The following ZNF728 variants were observed in gnomAD, a reference collection of about 807,000 sequenced individuals.
The protein encoded by ZNF728 is zinc finger protein 728.
A neutral mutation model predicts 12.5 loss-of-function variants in ZNF728; 12 were observed. That is an observed-to-expected ratio of 0.96 (90% CI 0.61 to 1.55). The LOEUF is 1.55. ZNF728 is among the 40% of genes most tolerant of loss of function. The probability of loss-of-function intolerance (pLI) is 0.00; values close to 1 mark genes in which losing one functional copy is unlikely to be tolerated. For missense variants in ZNF728, 692 were observed against 719.2 expected (o/e 0.96, Z 0.43); for synonymous variants, 205 against 240.7 (o/e 0.85, Z 1.37).
At chr19:23,002,867 T>C (rs1006817817) in intron 1 of ZNF728, among the ~76,000 whole-genome samples, 161 bp downstream of exon 1, 1 of 152,144 alleles carries the variant, frequency 6.6e-6, no homozygotes, top group Non-Finnish European at 1.5e-5. Context: ...GCAGCCGCCA[T>C]CTTATGCCTG....
chr19:23,002,025 A>G (rs992060329), intron 1 of ZNF728, among the ~76,000 whole-genome samples: 6 of 152,172 alleles, frequency 3.9e-5, no homozygotes, highest in Admixed American at 3.9e-4. Context: ...CTTTTAAAAA[A>G]TCTAATTCGG....
At chr19:22,979,329 G>A (rs1968837935) in intron 3 of ZNF728, among the ~76,000 whole-genome samples, 1 of 152,092 alleles carries the variant, frequency 6.6e-6, no homozygotes, top group African/African-American at 2.4e-5. Flanking sequence ...AGAATAAAAA[G>A]AAATGAACAA....
Position 23,003,162 on chromosome 19 carries a change from G to A in ZNF728, c.-132C>T. 2 of 1,092,670 alleles carry A rather than the reference G, an allele frequency of 1.8e-6. No homozygotes were observed. Among genetic ancestry groups the A allele is most frequent in the African/African-American group, 1.6e-5 (1 of 61,118 alleles). The allele number at this position is 1,092,670 out of a possible 1,614,324, so 67.7% of individuals were successfully genotyped here. On this transcript the variant is annotated 5_prime_UTR_variant, in exon 1 of 4. Transcript: ENST00000594710. ...AAGGACGACACCTTGACCTCCGCGT[G>A]CAGCGAGAGCCAACGGTCCTACCAC...
intron 3 of ZNF728, among the ~76,000 whole-genome samples, chr19:22,982,847 T>C (rs1385216102): frequency 6.6e-6 from 1 of 152,074 alleles, no homozygotes; most frequent in Non-Finnish European, 1.5e-5. Context: ...TTATACCTTA[T>C]ATAAAAATTA....
intron 1 of ZNF728, among the ~76,000 whole-genome samples, chr19:22,996,296 T>G (rs1969049801): frequency 6.6e-6 from 1 of 152,186 alleles, no homozygotes; most frequent in Non-Finnish European, 1.5e-5. Flanking sequence ...GAAAATACTG[T>G]TTAATTTATA....
At chr19:23,001,388 T>C (rs1969112447) in intron 1 of ZNF728, among the ~76,000 whole-genome samples, 1 of 152,166 alleles carries the variant, frequency 6.6e-6, no homozygotes, top group South Asian at 2.1e-4. Context: ...ATTCACCTGC[T>C]CTCTTGAGAA....
intron 1 of ZNF728, among the ~76,000 whole-genome samples, chr19:23,000,890 A>AAACC (rs1568279354): frequency 8.8e-4 from 72 of 81,394 alleles, no homozygotes; most frequent in African/African-American, 5.8e-3. Flanking sequence ...AAAAAACCAA[A>AAACC]AAAAAAAAAA....
chr19:22,979,658 G>A (rs765385516), intron 3 of ZNF728, among the ~76,000 whole-genome samples: 26 of 152,156 alleles, frequency 1.7e-4, no homozygotes, highest in South Asian at 4.1e-4. Context: ...ACTAAAAGTG[G>A]ATCTCTCTGC....
At chr19:22,998,860 A>T (rs1969077219) in intron 1 of ZNF728, among the ~76,000 whole-genome samples, 1 of 152,196 alleles carries the variant, frequency 6.6e-6, no homozygotes, top group Admixed American at 6.5e-5. Flanking sequence ...TACTCTCTTT[A>T]CTTACCTAAT....
intron 3 of ZNF728, among the ~76,000 whole-genome samples, chr19:22,978,352 A>C (rs1348865194): frequency 6.6e-6 from 1 of 152,192 alleles, no homozygotes; most frequent in South Asian, 2.1e-4. Flanking sequence ...CAAATCAGCA[A>C]ATCTGTCCTA....
chr19:22,976,720 T>C lies in ZNF728; in HGVS notation c.617A>G (p.His206Arg), dbSNP rs556941937. The change falls in exon 4 of 4, where the codon CAT becomes CGT. Residue 206 changes from histidine to arginine, a missense_variant. Physicochemically the swap from His to Arg is conservative, Grantham distance 29. Coordinates refer to ENST00000594710, the MANE Select transcript of ZNF728 (RefSeq NM_001267716.2). Reference sequence around the variant, plus strand: ...TGAGGACCAGTTAAAGGCTTTGCCATGTTCTTCACTTTTGTAGGAATTCTC... The same window carrying C: ...TGAGGACCAGTTAAAGGCTTTGCCACGTTCTTCACTTTTGTAGGAATTCTC... ...TRENSYKSEEHGKAFNWSSAL... is the reference protein window; with the variant it reads ...TRENSYKSEERGKAFNWSSAL... 10 of 1,613,426 alleles carry C rather than the reference T, an allele frequency of 6.2e-6. No individual in the cohort carries two copies. In the Admixed American group the frequency reaches 8.3e-5, roughly 13 times the overall value.
In ZNF728 at chr19:22,976,421, G is replaced by A; in HGVS notation, c.916C>T (p.His306Tyr). The change falls in exon 4 of 4, where the codon CAT becomes TAT. Residue 306 changes from histidine (H) to tyrosine (Y), a missense_variant. Physicochemically the swap from His to Tyr is moderately conservative, Grantham distance 83. Transcript: ENST00000594710. ...CATTTGTAGGGTTTCTCTCCAGCATGAATTGTCTTATGTGCAGTAAGGGTT... is the reference window on the plus strand; with the variant it reads ...CATTTGTAGGGTTTCTCTCCAGCATAAATTGTCTTATGTGCAGTAAGGGTT... Reference protein sequence around the residue: ...ASTLTAHKTIHAGEKPYKCEE... With the variant: ...ASTLTAHKTIYAGEKPYKCEE... 2.5e-6 allele frequency: 4 copies of A among 1,613,084 alleles called. No individual in the cohort carries two copies. In the South Asian group the frequency reaches 4.4e-5, roughly 18 times the overall value.
At chr19:22,980,331 C>G (rs150269221) in intron 3 of ZNF728, among the ~76,000 whole-genome samples, 111 of 152,150 alleles carry the variant, frequency 7.3e-4, no homozygotes, top group Non-Finnish European at 1.4e-3. Context: ...GAAGAGCTAA[C>G]TATCCTAAAT....
chr19:22,976,013 G>A lies in ZNF728; in HGVS notation c.1324C>T (p.His442Tyr). The change falls in exon 4 of 4, where the codon CAT becomes TAT. Residue 442 changes from histidine to tyrosine, a missense_variant. Physicochemically the swap from His to Tyr is moderately conservative, Grantham distance 83. Transcript: ENST00000594710. ...AFTTFSSLTK[H>Y]KVIHTGEKHY... ...TTCTCTCCAGTATGAATTACTTTAT[G>A]TTTAGTAAGGCTCGAAAATGTAGTA... 1.9e-6 allele frequency: 3 copies of A among 1,590,410 alleles called. No individual in the cohort carries two copies. The highest frequency in any genetic ancestry group is 2.3e-5 in the East Asian group (1 of 43,546).
In ZNF728 at chr19:22,976,587, A is replaced by G. The variant is rs749184317; in HGVS notation, c.750T>C (p.His250=). The G allele has an allele frequency of 6.2e-7, 1 of 1,611,168 alleles. No individual in the cohort carries two copies. Among genetic ancestry groups the G allele is most frequent in the Non-Finnish European group, 8.5e-7 (1 of 1,178,578 alleles). ...FSILTKHKVI[H]TGEKHYKCEE... ...CACATTTGTAATGTTTCTCTCCAGT[A>G]TGAATTACCTTATGCTTAGTAAGGA... Residue 250 remains histidine (H), a synonymous_variant, in exon 4 of 4, where the codon CAT becomes CAC. Transcript: ENST00000594710.
At chr19:22,986,333 T>C (rs1325992420) in intron 3 of ZNF728, among the ~76,000 whole-genome samples, 11 of 152,146 alleles carry the variant, frequency 7.2e-5, no homozygotes, top group Admixed American at 6.5e-4. Context: ...AAGTAAAACA[T>C]TGCTGCTTGT....
intron 1 of ZNF728, among the ~76,000 whole-genome samples, chr19:22,989,051 CAAAAAAAAAAA>C (rs68080575): frequency 1.0e-4 from 5 of 50,190 alleles, no homozygotes; most frequent in Admixed American, 5.6e-4. Flanking sequence ...AACTCCATCT[CAAAAAAAAAAA>C]AAAAAAAAAA....
intron 3 of ZNF728, among the ~76,000 whole-genome samples, chr19:22,980,827 G>A (rs1466048523): frequency 5.3e-5 from 8 of 152,100 alleles, no homozygotes; most frequent in Non-Finnish European, 8.8e-5. Flanking sequence ...TGAAACCAAT[G>A]AGAACAAAGA....
intron 3 of ZNF728, among the ~76,000 whole-genome samples, chr19:22,980,185 C>CAAAAAAAAAAAAAAAA (rs147737278): frequency 2.3e-5 from 2 of 86,582 alleles, no homozygotes; most frequent in Non-Finnish European, 2.6e-5. Context: ...AAATGGAAAG[C>CAAAAAAAAAAAAAAAA]AAAAAAAAAA....
Sources: gnomAD v4.1 joint callset for allele counts (sites outside exome capture counted in the v4.1 genomes callset) on GRCh38, gnomAD v4.1.1 for gene constraint, MANE v1.5 for transcripts, NCBI Gene and HGNC (gene_info 2026-07-23, HGNC 2026-07-21) for gene names.